The following NLRP12 variants were observed in gnomAD, a reference collection of about 807,000 sequenced individuals.
NLRP12 encodes the protein NACHT, LRR and PYD domains-containing protein 12.
A neutral mutation model predicts 91.2 loss-of-function variants in NLRP12; 108 were observed. The ratio of observed to expected loss-of-function variants is 1.18; its 90% confidence interval spans 1.01 to 1.39. NLRP12 has a LOEUF of 1.39. NLRP12 is among the 40% of genes most tolerant of loss of function. NLRP12 has a pLI of 0.00. For synonymous variants in NLRP12, 613 were observed against 566.7 expected (o/e 1.08, Z -1.16); for missense variants, 1,530 against 1,352.7 (o/e 1.13, Z -2.06).
chr19:53,819,409 TAATATATATATATATATATA>T (rs1276260163), intron 1 of NLRP12, among the ~76,000 whole-genome samples: 3 of 67,402 alleles, frequency 4.5e-5, no homozygotes, highest in African/African-American at 1.8e-4. Flanking sequence ...TACGCCTGGC[TAATATATATATATATATATA>T]TATATATATA....
At chr19:53,808,328 T>A (rs1221107543) in intron 3 of NLRP12, 1 of 170,202 alleles carries the variant, frequency 5.9e-6, no homozygotes, top group African/African-American at 2.4e-5. Context: ...CTTGTTTCCC[T>A]CTTTATTATC....
intron 6 of NLRP12, among the ~76,000 whole-genome samples, chr19:53,801,719 G>T (rs1258966908): frequency 6.6e-6 from 1 of 151,690 alleles, no homozygotes; most frequent in Non-Finnish European, 1.5e-5. Context: ...CCTCCCAAAG[G>T]ACTGGAATTA....
At chr19:53,794,941 T>C (rs1194028428) in intron 9 of NLRP12, among the ~76,000 whole-genome samples, 1 of 152,098 alleles carries the variant, frequency 6.6e-6, no homozygotes, top group African/African-American at 2.4e-5. Context: ...CCTCAAGTGA[T>C]TTGCCTGCCT....
Position 53,823,042 on chromosome 19 carries a change from A to G in NLRP12, c.289+844T>C, listed in dbSNP as rs567701198. 1.5e-4 allele frequency among the ~76,000 whole-genome samples: 22 copies of G among 150,358 alleles called. No individual in the cohort carries two copies. The South Asian group carries it at 1.9e-3, about 13-fold the overall frequency. ...CTTGGCCTCCCAAAGTGCTGGGATT[A>G]TAGGTGTGAGCCACTGCACCTGGCT... On this transcript the variant is annotated intron_variant, in intron 1 of 9. Coordinates refer to ENST00000324134, the MANE Select transcript of NLRP12 (RefSeq NM_144687.4).
At position 53,810,021 on chromosome 19, in the gene NLRP12, G is replaced by C; in HGVS notation, c.1638C>G (p.Thr546=). Residue 546 remains threonine, a synonymous_variant, in exon 3 of 10, where the codon ACC becomes ACG. Transcript: ENST00000324134. The part of the protein sequence containing the change: ...GPDQDVTRLL[T]EYAFSERSFL... ...AGCTCCTTTCAGAAAACGCGTACTC[G>C]GTCAACAGCCTGGTCACGTCCTGGT... is the stretch of plus-strand genomic sequence containing the variant. The C allele has an allele frequency of 6.2e-7, 1 of 1,614,104 alleles. No individual in the cohort carries two copies. Among genetic ancestry groups the C allele is most frequent in the Non-Finnish European group, 8.5e-7 (1 of 1,180,026 alleles).
intron 4 of NLRP12, among the ~76,000 whole-genome samples, chr19:53,806,235 A>C (rs1286332498): frequency 6.6e-6 from 1 of 151,866 alleles, no homozygotes; most frequent in Non-Finnish European, 1.5e-5. Flanking sequence ...CTATCTCAAA[A>C]AATAACATAT....
chr19:53,806,643 T>G (rs1174418078), intron 4 of NLRP12, among the ~76,000 whole-genome samples: 2 of 127,434 alleles, frequency 1.6e-5, no homozygotes, highest in Non-Finnish European at 3.1e-5. Context: ...ATCACGCTAC[T>G]GCACTCCAGC....
rs774385336 is a variant in NLRP12 at position 53,804,034 on chromosome 19, T to A, written c.2503A>T (p.Thr835Ser). The A allele has an allele frequency of 6.2e-7, 1 of 1,614,116 alleles. No individual in the cohort carries two copies. The highest frequency in any genetic ancestry group is 1.1e-5 in the South Asian group (1 of 91,078). Residue 835 changes from threonine to serine, a missense_variant, in exon 6 of 10, where the codon ACA (threonine) becomes TCA (serine). Coordinates refer to ENST00000324134, the MANE Select transcript of NLRP12 (RefSeq NM_144687.4). ...TNPHLVELDL[T>S]GNALEDLGLR... The stretch of plus-strand genomic sequence containing the variant: ...CCCAAATCCTCCAGTGCATTTCCTG[T>A]CAGGTCCAACTCAACCAGATGTGGG...
chr19:53,809,489 C>G, intron 3 of NLRP12, 98 bp downstream of exon 3: 1 of 1,250,568 alleles, frequency 8.0e-7, no homozygotes, highest in Non-Finnish European at 1.1e-6. Context: ...TGAGGTCACG[C>G]CAGTGTACTC....
At chr19:53,813,564 A>G (rs2092113813) in intron 2 of NLRP12, among the ~76,000 whole-genome samples, 1 of 151,924 alleles carries the variant, frequency 6.6e-6, no homozygotes, top group Admixed American at 6.6e-5. Flanking sequence ...AGCCTCCTAA[A>G]GTGCTGGGAT....
intron 4 of NLRP12, among the ~76,000 whole-genome samples, chr19:53,806,559 TAGTCCC>T (rs1279577893): frequency 2.0e-5 from 3 of 150,840 alleles, no homozygotes; most frequent in South Asian, 2.1e-4. Context: ...CACCTGCCTG[TAGTCCC>T]AGCTACTCAG....
intron 1 of NLRP12, among the ~76,000 whole-genome samples, chr19:53,817,158 G>T (rs2092173136): frequency 6.6e-6 from 1 of 152,010 alleles, no homozygotes. Flanking sequence ...GCTGGGCATG[G>T]TGGCAGGCAC....
intron 9 of NLRP12, among the ~76,000 whole-genome samples, chr19:53,795,188 C>T (rs933486850): frequency 2.0e-5 from 3 of 151,632 alleles, no homozygotes; most frequent in South Asian, 4.1e-4. Flanking sequence ...GGATTACAGG[C>T]GCCATCCCCT....
chr19:53,823,100 C>CATATACACACACATAT (rs2092282599), intron 1 of NLRP12, among the ~76,000 whole-genome samples: 1 of 4,732 alleles, frequency 2.1e-4, no homozygotes, highest in South Asian at 3.0e-3. Context: ...TACACACACA[C>CATATACACACACATAT]ATATACACAC....
chr19:53,817,981 C>T (rs1329834108), intron 1 of NLRP12, among the ~76,000 whole-genome samples: 1 of 151,666 alleles, frequency 6.6e-6, no homozygotes, highest in Non-Finnish European at 1.5e-5. Flanking sequence ...CAGGGTTTCA[C>T]CATGTTGGCC....
At chr19:53,803,361 G>A (rs2091904504) in intron 6 of NLRP12, among the ~76,000 whole-genome samples, 1 of 151,614 alleles carries the variant, frequency 6.6e-6, no homozygotes, top group African/African-American at 2.4e-5. Flanking sequence ...TTGTATTTTA[G>A]TAGAGACGGG....
chr19:53,795,099 G>GGTGT (rs1233389201), intron 9 of NLRP12, among the ~76,000 whole-genome samples: 1 of 133,512 alleles, frequency 7.5e-6, no homozygotes, highest in East Asian at 2.3e-4. Context: ...CACCATACCT[G>GGTGT]GTGTGTGCGT....
Position 53,794,118 on chromosome 19 carries a change from C to G in NLRP12, c.3117G>C (p.Leu1039=). ...LRVLWLFGMD[L]NKMTHSRLAA... is the part of the protein sequence containing the mutation. Reference sequence around the variant, plus strand: ...CCAACCTACTGTGGGTCATTTTATTCAGGTCCATCCCAAATAACCTGTGGA... The same window carrying G: ...CCAACCTACTGTGGGTCATTTTATTGAGGTCCATCCCAAATAACCTGTGGA... Residue 1039 remains leucine, a synonymous_variant, in exon 10 of 10, where the codon CTG becomes CTC. Transcript: ENST00000324134. 1 of 1,613,170 alleles carries G rather than the reference C, an allele frequency of 6.2e-7. No homozygotes were observed. Among genetic ancestry groups the G allele is most frequent in the Non-Finnish European group, 8.5e-7 (1 of 1,179,202 alleles).
intron 1 of NLRP12, among the ~76,000 whole-genome samples, chr19:53,820,208 G>A (rs1568697720): frequency 6.6e-6 from 1 of 152,042 alleles, no homozygotes; most frequent in Non-Finnish European, 1.5e-5. Context: ...TGTCACAGTA[G>A]AGAAAACAGG....
Sources: gnomAD v4.1 joint callset for allele counts (sites outside exome capture counted in the v4.1 genomes callset) on GRCh38, gnomAD v4.1.1 for gene constraint, MANE v1.5 for transcripts, NCBI Gene and HGNC (gene_info 2026-07-23, HGNC 2026-07-21) for gene names.